MACROD2: variants seen among roughly 807,000 people sequenced by gnomAD.
MACROD2 encodes mono-ADP ribosylhydrolase 2.
Under a neutral mutation model 70.4 loss-of-function variants are expected in MACROD2, and 36 were observed. That is an observed-to-expected ratio of 0.51 (90% CI 0.39 to 0.68). MACROD2 has a LOEUF of 0.68. MACROD2 is among the 30% of genes least tolerant of loss of function. The pLI is 0.00. For missense variants in MACROD2, 496 were observed against 538.4 expected (o/e 0.92, Z 0.78); for synonymous variants, 172 against 178.8 (o/e 0.96, Z 0.30).
At chr20:14,920,207 A>C (rs1364892087) in intron 5 of MACROD2, among the ~76,000 whole-genome samples, 1 of 152,156 alleles carries the variant, frequency 6.6e-6, no homozygotes, top group Non-Finnish European at 1.5e-5. Flanking sequence ...AAAACCAGAT[A>C]GTTTTCCTTC....
intron 3 of MACROD2, among the ~76,000 whole-genome samples, chr20:14,285,116 A>T (rs896907822): frequency 2.0e-5 from 3 of 152,192 alleles, no homozygotes; most frequent in Non-Finnish European, 4.4e-5. Context: ...AAAGAAAAAA[A>T]TACAGGTTTA....
intron 8 of MACROD2, among the ~76,000 whole-genome samples, chr20:15,594,464 G>A (rs1175040479): frequency 6.6e-6 from 1 of 152,144 alleles, no homozygotes; most frequent in Non-Finnish European, 1.5e-5. Context: ...TGTACACCTT[G>A]GGTGGGGTTA....
chr20:14,552,282 ATAATACAG>A (rs1386780674), intron 4 of MACROD2, among the ~76,000 whole-genome samples: 1 of 135,510 alleles, frequency 7.4e-6, no homozygotes, highest in Non-Finnish European at 1.6e-5. Context: ...TTTTATCTTT[ATAATACAG>A]TAAAATTTAA....
At chr20:15,616,447 A>T (rs756680652) in intron 8 of MACROD2, among the ~76,000 whole-genome samples, 1 of 152,170 alleles carries the variant, frequency 6.6e-6, no homozygotes, top group Non-Finnish European at 1.5e-5. Flanking sequence ...ATCAAAGAAG[A>T]AGTTCAAAGA....
At chr20:14,413,917 A>G (rs1164561328) in intron 3 of MACROD2, among the ~76,000 whole-genome samples, 1 of 142,076 alleles carries the variant, frequency 7.0e-6, no homozygotes, top group Admixed American at 7.3e-5. Context: ...TTGTTCCTCC[A>G]AAATAATGGT....
At chr20:14,238,909 C>T (rs2081902996) in intron 3 of MACROD2, among the ~76,000 whole-genome samples, 1 of 151,738 alleles carries the variant, frequency 6.6e-6, no homozygotes, top group Admixed American at 6.6e-5. Flanking sequence ...AACCTGTAGT[C>T]CCAGCTACTT....
At chr20:14,847,855 T>G (rs2073160058) in intron 5 of MACROD2, among the ~76,000 whole-genome samples, 1 of 152,160 alleles carries the variant, frequency 6.6e-6, no homozygotes, top group Non-Finnish European at 1.5e-5. Flanking sequence ...CAGTTTAAAG[T>G]GAACTCCAAC....
intron 16 of MACROD2, among the ~76,000 whole-genome samples, 165 bp downstream of exon 16, chr20:16,041,443 C>T (rs555404639): frequency 6.6e-6 from 1 of 151,788 alleles, no homozygotes; most frequent in Admixed American, 6.6e-5. Context: ...AAAATGGCAA[C>T]CTCTTATTTA....
At chr20:15,205,146 A>C (rs1032164368) in intron 5 of MACROD2, among the ~76,000 whole-genome samples, 27 of 152,344 alleles carry the variant, frequency 1.8e-4, no homozygotes, top group Admixed American at 1.8e-3. Context: ...TGATAATTTT[A>C]CAGGCAAGTC....
intron 4 of MACROD2, among the ~76,000 whole-genome samples, chr20:14,617,559 C>T (rs1268145172): frequency 6.6e-6 from 1 of 152,108 alleles, no homozygotes; most frequent in Non-Finnish European, 1.5e-5. Flanking sequence ...CTTTTATCTG[C>T]AGACTAAGAA....
chr20:14,627,455 C>T (rs1042577235), intron 4 of MACROD2, among the ~76,000 whole-genome samples: 7 of 152,216 alleles, frequency 4.6e-5, no homozygotes, highest in Admixed American at 1.3e-4. Context: ...CAACTGAGGT[C>T]TCTGTTGTAA....
chr20:15,236,427 G>T (rs751833668), intron 6 of MACROD2, among the ~76,000 whole-genome samples: 8 of 152,202 alleles, frequency 5.3e-5, no homozygotes, highest in Admixed American at 1.3e-4. Context: ...ACACCAGAGA[G>T]ATGATTTGAG....
At chr20:15,753,230 C>T (rs188193550) in intron 8 of MACROD2, among the ~76,000 whole-genome samples, 1 of 152,278 alleles carries the variant, frequency 6.6e-6, no homozygotes, top group East Asian at 1.9e-4. Flanking sequence ...TCCTGTCATC[C>T]AAATAGTGAG....
intron 6 of MACROD2, among the ~76,000 whole-genome samples, chr20:15,267,128 G>A (rs1026948049): frequency 5.3e-5 from 8 of 152,120 alleles, no homozygotes; most frequent in Admixed American, 3.3e-4. Context: ...CGTCCTTCAC[G>A]ATCCCTTAAA....
At position 15,014,117 on chromosome 20, in the gene MACROD2, T is replaced by C. The variant is rs909793967; in HGVS notation, c.419-215823T>C. Among the ~76,000 whole-genome samples the C allele has an allele frequency of 2.0e-5, 3 of 152,344 alleles. No homozygotes were observed. In the South Asian group the frequency reaches 6.2e-4, roughly 32 times the overall value. On this transcript the variant is annotated intron_variant, in intron 5 of 17. Coordinates refer to ENST00000684519, the MANE Select transcript of MACROD2 (RefSeq NM_001351661.2). The stretch of plus-strand genomic sequence containing the variant: ...GTTCTGCTGTTAACATCAAATACCT[T>C]TTAATGATGTTTGACATGAAAACCA...
At chr20:15,739,307 G>A (rs1568533980) in intron 8 of MACROD2, among the ~76,000 whole-genome samples, 1 of 152,172 alleles carries the variant, frequency 6.6e-6, no homozygotes, top group Non-Finnish European at 1.5e-5. Context: ...TTTCACAATT[G>A]TAAATAATTT....
At chr20:15,504,476 C>CA (rs1329380009) in intron 8 of MACROD2, among the ~76,000 whole-genome samples, 2 of 151,852 alleles carry the variant, frequency 1.3e-5, no homozygotes, top group African/African-American at 2.4e-5. Context: ...CTTAAAAAAA[C>CA]AAAAAAGAAT....
chr20:15,893,835 A>G, intron 10 of MACROD2: 1 of 456,798 alleles, frequency 2.2e-6, no homozygotes, highest in Non-Finnish European at 4.4e-6. Flanking sequence ...GCCAAGATGG[A>G]AGCAGAAGTG....
intron 8 of MACROD2, among the ~76,000 whole-genome samples, chr20:15,641,228 TC>T (rs2146774503): frequency 6.6e-6 from 1 of 152,346 alleles, no homozygotes; most frequent in South Asian, 2.1e-4. Flanking sequence ...TTTTTCTTAT[TC>T]TTTTCTTCTC....
Sources: allele counts gnomAD v4.1 joint callset (sites outside exome capture counted in the v4.1 genomes callset), GRCh38; gene constraint gnomAD v4.1.1; transcripts MANE v1.5; gene names NCBI Gene and HGNC (gene_info 2026-07-23, HGNC 2026-07-21).